ULK3: variants seen among roughly 807,000 people sequenced by gnomAD.
The protein encoded by ULK3 is unc-51 like kinase 3.
ULK3 carries 54 observed loss-of-function variants against 69.4 expected under a neutral mutation model. The observed-to-expected ratio is 0.78, with a 90% CI of 0.63 to 0.98. The LOEUF (loss-of-function observed/expected upper bound fraction) is 0.98, where lower values mean the gene tolerates loss of function less well. Among genes scored for constraint, ULK3 ranks in the 50% least tolerant of loss-of-function variants. The pLI is 0.00. For synonymous variants in ULK3, 240 were observed against 254.5 expected, an observed-to-expected ratio of 0.94 and a Z score of 0.54; for missense variants, 558 against 627.7, an observed-to-expected ratio of 0.89 and a Z score of 1.19.
At chr15:74,841,548 C>T (rs2064250012) in intron 3 of ULK3, 39 bp from the exon 4 acceptor site, 8 of 1,570,964 alleles carry the variant, frequency 5.1e-6, no homozygotes, top group Non-Finnish European at 6.1e-6. Flanking sequence ...AGTTCAGAGC[C>T]CATTCCCGCC....
In ULK3 at chr15:74,842,391, C is replaced by T. The variant is rs201933449; in HGVS notation, c.132G>A (p.Lys44=). ...KKDTREVVAI[K]CVAKKSLNKA... The stretch of plus-strand genomic sequence containing the variant: ...TGTTCAGACTTTTCTTGGCTACACA[C>T]TTTATGGCTACCACTTCACGAGTGT... Residue 44 remains lysine (K), a synonymous_variant, in exon 2 of 16, where the codon AAG becomes AAA. Transcript: ENST00000440863. This position sits in a 1 kb window ranked among gnomAD's most constrained non-coding sequence, Gnocchi z 4.9. The T allele has an allele frequency of 1.2e-6, 2 of 1,614,016 alleles. No individual in the cohort carries two copies. The highest frequency in any genetic ancestry group is 2.2e-5 in the East Asian group (1 of 44,888).
chr15:74,839,295 G>C lies in ULK3; in HGVS notation c.931C>G (p.Leu311Val), dbSNP rs370648728. 2.5e-5 allele frequency: 39 copies of C among 1,562,920 alleles called. 1 individual carries two copies. The highest frequency in any genetic ancestry group is 3.8e-5 in the Admixed American group (2 of 52,594). ...TGCAGGGCAGGTACAAAGAAGTCCA[G>C]AGCCTTGCAGTAGAGTGATAAGGCA... ...AAALSLYCKA[L>V]DFFVPALHYE... Residue 311 changes from leucine (L) to valine (V), a missense_variant, in exon 8 of 16, where the codon CTG (leucine) becomes GTG (valine). By Grantham distance (32) the Leu-to-Val change is conservative (BLOSUM62 1). Transcript: ENST00000440863.
Position 74,839,669 on chromosome 15 carries a change from C to T in ULK3, c.741G>A (p.Leu247=). 6.4e-7 allele frequency: 1 copy of T among 1,554,458 alleles called. No individual in the cohort carries two copies. Among genetic ancestry groups the T allele is most frequent in the South Asian group, 1.2e-5 (1 of 84,204 alleles). Residue 247 remains leucine (L), a synonymous_variant, in exon 7 of 16, where the codon CTG becomes CTA. Coordinates refer to ENST00000440863, the MANE Select transcript of ULK3 (RefSeq NM_001099436.4). ...PLLSRDCRDL[L]QRLLERDPSR... ...TGGGGTCCCGCTCCAGGAGCCGCTG[C>T]AGTAGGTCCCGGCAGTCTCGGGAGA...
chr15:74,840,342 C>G, intron 5 of ULK3, 26 bp from the exon 6 acceptor site: 2 of 1,598,366 alleles, frequency 1.3e-6, no homozygotes, highest in Non-Finnish European at 8.5e-7. Flanking sequence ...AGAGCGGAGG[C>G]TGGGAGGGAA....
Position 74,842,098 on chromosome 15 carries a change from G to A in ULK3, c.341C>T (p.Ala114Val), listed in dbSNP as rs775347115. The change falls in exon 3 of 16, where the codon GCG becomes GTG. Residue 114 changes from alanine to valine, a missense_variant. Coordinates refer to ENST00000440863, the MANE Select transcript of ULK3 (RefSeq NM_001099436.4). This position sits in a 1 kb window ranked among gnomAD's most constrained non-coding sequence, Gnocchi z 4.9. The stretch of plus-strand genomic sequence containing the variant: ...ACCTAATTGCTGCATGAAGACACGC[G>A]CCACCTTCTCAGGCAGAATCCTGCG... The part of the protein sequence containing the change: ...HTRRILPEKV[A>V]RVFMQQLASA... The A allele has an allele frequency of 3.7e-5, 59 of 1,613,750 alleles. No individual in the cohort carries two copies. In the East Asian group the frequency reaches 4.0e-4, roughly 11 times the overall value.
rs757346294 is a variant in ULK3 at position 74,837,422 on chromosome 15, C to T, written c.1349G>A (p.Arg450His). 7.4e-6 allele frequency: 12 copies of T among 1,612,072 alleles called. No homozygotes were observed. Among genetic ancestry groups the T allele is most frequent in the Non-Finnish European group, 9.3e-6 (11 of 1,179,242 alleles). Residue 450 changes from arginine to histidine, a missense_variant, in exon 15 of 16, where the codon CGC (arginine) becomes CAC (histidine). Physicochemically the swap from Arg to His is conservative, Grantham distance 29. Transcript: ENST00000440863. ...LKEQVKMRES[R>H]WEADTLDKEG... ...TTTGTCCAGGGTGTCAGCTTCCCAG[C>T]GAGATTCCCTCATCTGTGGGATGTG... is the stretch of plus-strand genomic sequence containing the variant.
chr15:74,841,545 A>G lies in ULK3; in HGVS notation c.365-36T>C, dbSNP rs1449100843. 4 of 1,588,096 alleles carry G rather than the reference A, an allele frequency of 2.5e-6. No individual in the cohort carries two copies. The South Asian group carries it at 4.4e-5, about 18-fold the overall frequency. ...GGACCCACGAAGAGAGACAGTTCAG[A>G]GCCCATTCCCGCCTGCCTCTCGCCT... On this transcript the variant is annotated intron_variant, in intron 3 of 15. Transcript: ENST00000440863.
intron 8 of ULK3, 51 bp downstream of exon 8, chr15:74,839,217 G>T: frequency 6.5e-7 from 1 of 1,539,292 alleles, no homozygotes; most frequent in South Asian, 1.2e-5. Context: ...AGCCACAGAT[G>T]ACTCCCATCC....
Position 74,842,692 on chromosome 15 carries a change from G to A in ULK3, c.103-272C>T. On this transcript the variant is annotated intron_variant, in intron 1 of 15. Transcript: ENST00000440863. This position sits in a 1 kb window ranked among gnomAD's most constrained non-coding sequence, Gnocchi z 4.9. ...TTTGCATTCTGGAGTGCTCCCGGCA[G>A]AGGCATGTCACTCAGGGTTCTAGAA... 6.5e-7 allele frequency: 1 copy of A among 1,534,284 alleles called. No homozygotes were observed. The highest frequency in any genetic ancestry group is 8.7e-7 in the Non-Finnish European group (1 of 1,145,714).
rs754538215 is a variant in ULK3, at chr15:74,838,332, C to T, written c.1180G>A (p.Gly394Ser). 2.8e-5 allele frequency: 44 copies of T among 1,567,824 alleles called. No homozygotes were observed. Among genetic ancestry groups the T allele is most frequent in the Admixed American group, 5.6e-5 (3 of 53,506 alleles). The stretch of plus-strand genomic sequence containing the variant: ...AGGTCCAGGGCATCCTGCTCCCCGC[C>T]GGCGGCCTCCTCCTGCAGCCACAAG... Reference protein sequence around the residue: ...SAAMAKEEAAGGEQDALDLYQ... With the variant: ...SAAMAKEEAASGEQDALDLYQ... The change falls in exon 12 of 16, where the codon GGC (glycine) becomes AGC (serine). Residue 394 changes from glycine to serine, a missense_variant. Coordinates refer to ENST00000440863, the MANE Select transcript of ULK3 (RefSeq NM_001099436.4).
In ULK3 at chr15:74,841,518, C is replaced by T. The variant is rs2064248195; in HGVS notation, c.365-9G>A. The stretch of plus-strand genomic sequence containing the variant: ...GAATTGCAGGGCGCTAGCTGAGGAG[C>T]AGGACCCACGAAGAGAGACAGTTCA... On this transcript the variant is annotated splice_polypyrimidine_tract_variant and intron_variant, in intron 3 of 15. Transcript: ENST00000440863. The T allele has an allele frequency of 6.2e-7, 1 of 1,612,644 alleles. No homozygotes were observed. Among genetic ancestry groups the T allele is most frequent in the Non-Finnish European group, 8.5e-7 (1 of 1,178,942 alleles).
intron 4 of ULK3, among the ~76,000 whole-genome samples, chr15:74,840,895 G>C (rs1411567290): frequency 6.6e-6 from 1 of 151,806 alleles, no homozygotes. Context: ...ACCTGCATAA[G>C]CCCCCACCCT....
chr15:74,842,033 G>C lies in ULK3; in HGVS notation c.364+42C>G. On this transcript the variant is annotated intron_variant, in intron 3 of 15. Coordinates refer to ENST00000440863, the MANE Select transcript of ULK3 (RefSeq NM_001099436.4). The surrounding 1 kb of genome is among the most constrained non-coding windows in gnomAD (Gnocchi z 4.9). ...GAGGGGTGGGATGGTGGGGGGCAGA[G>C]AACAAGGGACAGAGTGTCAGGCTGG... 3.7e-6 allele frequency: 6 copies of C among 1,612,168 alleles called. No homozygotes were observed. Among genetic ancestry groups the C allele is most frequent in the Non-Finnish European group, 5.1e-6 (6 of 1,179,456 alleles).
chr15:74,838,028 G>T, intron 13 of ULK3, 124 bp downstream of exon 13: 2 of 1,438,984 alleles, frequency 1.4e-6, no homozygotes, highest in South Asian at 1.3e-5. Flanking sequence ...CCTATGGTTT[G>T]ACTTCCAGAC....
Position 74,839,565 on chromosome 15 carries a change from C to T in ULK3, c.845G>A (p.Gly282Glu), listed in dbSNP as rs186759889. 34 of 1,559,576 alleles carry T rather than the reference C, an allele frequency of 2.2e-5. No individual in the cohort carries two copies. In the Admixed American group the frequency reaches 5.9e-4, roughly 27 times the overall value. ...LEHMPSGESL[G>E]RATALVVQAV... Reference sequence around the variant, plus strand: ...CCCCAGCCGTCTGCTCACTGCTCGCCCCAGACTCTCCCCACTGGGCATGTG... The same window carrying T: ...CCCCAGCCGTCTGCTCACTGCTCGCTCCAGACTCTCCCCACTGGGCATGTG... The change falls in exon 7 of 16, where the codon GGG becomes GAG. Residue 282 changes from glycine to glutamate, a missense_variant. Transcript: ENST00000440863.
rs2064316398 is a variant in ULK3, at chr15:74,842,944, C to G, written c.102+60G>C. On this transcript the variant is annotated intron_variant, in intron 1 of 15. Coordinates refer to ENST00000440863, the MANE Select transcript of ULK3 (RefSeq NM_001099436.4). This position sits in a 1 kb window ranked among gnomAD's most constrained non-coding sequence, Gnocchi z 4.9. Reference sequence around the variant, plus strand: ...CACTGTCGCTAACCTCTCAGAGTCTCCCCGGCCGGCACCAGCCGAGCTAGC... The same window carrying G: ...CACTGTCGCTAACCTCTCAGAGTCTGCCCGGCCGGCACCAGCCGAGCTAGC... The G allele has an allele frequency of 1.3e-6, 2 of 1,510,876 alleles. No homozygotes were observed. Among genetic ancestry groups the G allele is most frequent in the South Asian group, 2.5e-5 (2 of 81,138 alleles). 93.6% of individuals were successfully genotyped at this position (1,510,876 alleles called of 1,614,324 possible).
intron 8 of ULK3, 95 bp from the exon 9 acceptor site, chr15:74,839,145 T>A: frequency 6.5e-7 from 1 of 1,539,256 alleles, no homozygotes; most frequent in South Asian, 1.2e-5. Flanking sequence ...TATTCCAGGT[T>A]TACGCTCTGC....
In ULK3 at chr15:74,842,897, C is replaced by A; in HGVS notation, c.102+107G>T. ...GAGGGTCAGCTGGGGCGAGGCCGGCCTCCCGCCCCTAACTATTCCCACACT... is the reference window on the plus strand; with the variant it reads ...GAGGGTCAGCTGGGGCGAGGCCGGCATCCCGCCCCTAACTATTCCCACACT... On this transcript the variant is annotated intron_variant, in intron 1 of 15. Transcript: ENST00000440863. This position sits in a 1 kb window ranked among gnomAD's most constrained non-coding sequence, Gnocchi z 4.9. 7.3e-7 allele frequency: 1 copy of A among 1,373,100 alleles called. No homozygotes were observed. Among genetic ancestry groups the A allele is most frequent in the South Asian group, 1.4e-5 (1 of 71,174 alleles). The allele number at this position is 1,373,100 out of a possible 1,614,324, so 85.1% of individuals were successfully genotyped here.
chr15:74,838,347 G>T lies in ULK3; in HGVS notation c.1168-3C>A, dbSNP rs1337185208. 1 of 1,568,434 alleles carries T rather than the reference G, an allele frequency of 6.4e-7. No homozygotes were observed. Among genetic ancestry groups the T allele is most frequent in the Admixed American group, 1.9e-5 (1 of 53,574 alleles). ...TGCTCCCCGCCGGCGGCCTCCTCCT[G>T]CAGCCACAAGGACACCAGGCTGCTT... On this transcript the variant is annotated splice_polypyrimidine_tract_variant and splice_region_variant and intron_variant, in intron 11 of 15. Coordinates refer to ENST00000440863, the MANE Select transcript of ULK3 (RefSeq NM_001099436.4).
Sources: gnomAD v4.1 joint callset for allele counts (sites outside exome capture counted in the v4.1 genomes callset) on GRCh38, gnomAD v4.1.1 for gene constraint, Gnocchi (gnomAD v3.1) non-coding constraint, MANE v1.5 for transcripts, NCBI Gene and HGNC (gene_info 2026-07-23, HGNC 2026-07-21) for gene names.